DISC1: variants seen among roughly 807,000 people sequenced by gnomAD.
The protein encoded by DISC1 is disrupted in schizophrenia 1 protein.
DISC1 carries 57 observed loss-of-function variants against 84.5 expected under a neutral mutation model. The ratio of observed to expected loss-of-function variants is 0.67; its 90% CI spans 0.55 to 0.84. The LOEUF is 0.84. DISC1 is among the 40% of genes least tolerant of loss of function. DISC1 has a pLI of 0.00. For missense variants in DISC1, 1,000 were observed against 1,057.8 expected, an observed-to-expected ratio of 0.95 and a Z score of 0.76; for synonymous variants, 411 against 415.2, an observed-to-expected ratio of 0.99 and a Z score of 0.12.
chr1:231,724,068 A>G (rs2070270502), intron 3 of DISC1: 3 of 966,994 alleles, frequency 3.1e-6, no homozygotes, highest in Non-Finnish European at 3.7e-6. Context: ...GTTGGTCTTC[A>G]TCCTTTAAAT....
chr1:231,831,938 C>A (rs1230107575), intron 9 of DISC1, among the ~76,000 whole-genome samples: 1 of 151,510 alleles, frequency 6.6e-6, no homozygotes, highest in Non-Finnish European at 1.5e-5. Context: ...GGCGATTAGG[C>A]CTGGTGGAAC....
intron 8 of DISC1, among the ~76,000 whole-genome samples, chr1:231,811,765 G>A (rs2080319849): frequency 6.6e-6 from 1 of 152,170 alleles, no homozygotes; most frequent in Non-Finnish European, 1.5e-5. Flanking sequence ...TGTTGACTAA[G>A]TCACTTATTG....
At chr1:231,871,017 T>C (rs2085419062) in intron 9 of DISC1, among the ~76,000 whole-genome samples, 1 of 152,006 alleles carries the variant, frequency 6.6e-6, no homozygotes, top group Non-Finnish European at 1.5e-5. Flanking sequence ...CTATTGGGGG[T>C]GCACTGTTGG....
rs2063033660 is a variant in DISC1 at position 231,675,313 on chromosome 1, C to T, written c.68-18513C>T. On this transcript the variant is annotated intron_variant, in intron 1 of 12. Transcript: ENST00000439617. This position sits in a 1 kb window ranked among gnomAD's most constrained non-coding sequence, Gnocchi z 4.1. Reference sequence around the variant, plus strand: ...GGATGATTGCTGGGTCCTGGGGTCTCTCTCCCTGCCTCTTCCCCAGCCCTA... The same window carrying T: ...GGATGATTGCTGGGTCCTGGGGTCTTTCTCCCTGCCTCTTCCCCAGCCCTA... 1.3e-5 allele frequency among the ~76,000 whole-genome samples: 2 copies of T among 152,012 alleles called. No individual in the cohort carries two copies.
At chr1:232,016,375 G>T (rs1668492439) in intron 11 of DISC1, among the ~76,000 whole-genome samples, 1 of 152,126 alleles carries the variant, frequency 6.6e-6, no homozygotes, top group Admixed American at 6.5e-5. Flanking sequence ...AAGGGCCTTA[G>T]GGTTGGATGT....
intron 6 of DISC1, among the ~76,000 whole-genome samples, chr1:231,792,853 T>A (rs1261561360): frequency 6.6e-6 from 1 of 152,216 alleles, no homozygotes; most frequent in Non-Finnish European, 1.5e-5. Flanking sequence ...TTCCAAACAT[T>A]GTTTTCCACT....
chr1:231,809,424 C>T (rs1225966476), intron 8 of DISC1, among the ~76,000 whole-genome samples: 2 of 151,308 alleles, frequency 1.3e-5, no homozygotes, highest in African/African-American at 4.9e-5. Context: ...CTCACCTGCC[C>T]CCTTGTTATC....
chr1:231,693,147 G>T (rs2065243745), intron 1 of DISC1, among the ~76,000 whole-genome samples: 2 of 152,170 alleles, frequency 1.3e-5, no homozygotes, highest in Admixed American at 1.3e-4. Flanking sequence ...GTACAATCAG[G>T]GTTTGAACCA....
At chr1:231,712,839 T>G (rs551579024) in intron 3 of DISC1, among the ~76,000 whole-genome samples, 20 of 152,312 alleles carry the variant, frequency 1.3e-4, no homozygotes, top group African/African-American at 4.3e-4. Context: ...GGCAAAAGAT[T>G]ACTGGTTGAG....
intron 10 of DISC1, among the ~76,000 whole-genome samples, chr1:231,984,074 A>G (rs1664054190): frequency 1.3e-5 from 2 of 152,238 alleles, no homozygotes; most frequent in African/African-American, 4.8e-5. Flanking sequence ...GTCTAACTCC[A>G]AATCTGCCCC....
In DISC1 at chr1:232,037,021, G is replaced by GGA; in HGVS notation, c.*199_*200dup. ...CTGAGGAGTCTGCAATTTGGAATAT[G>GGA]GAGAGAGAGACTGATTTGCTGAATT... On this transcript the variant is annotated 3_prime_UTR_variant, in exon 13 of 13. Coordinates refer to ENST00000439617, the MANE Select transcript of DISC1 (RefSeq NM_018662.3). 1 of 501,044 alleles carries GGA rather than the reference G, an allele frequency of 2.0e-6. No individual in the cohort carries two copies. Among genetic ancestry groups the GGA allele is most frequent in the Non-Finnish European group, 3.2e-6 (1 of 312,276 alleles). 31.0% of individuals were successfully genotyped at this position (501,044 alleles called of 1,614,324 possible). A position where few individuals can be genotyped will look rare whatever the true frequency, so the allele number is the denominator to read the frequency against.
chr1:232,030,048 T>TGGCAGC (rs983490243), intron 12 of DISC1, among the ~76,000 whole-genome samples: 39 of 152,190 alleles, frequency 2.6e-4, no homozygotes, highest in Non-Finnish European at 5.3e-4. Context: ...TCAGCTACTG[T>TGGCAGC]GGCAGCGAGT....
In DISC1 at chr1:232,039,881, G is replaced by C. The variant is rs1489842476; in HGVS notation, c.*3050G>C. ...GAGAATGTAAGTGTGATATTATACT[G>C]TCTGCCTTGCTGGAATGCTGGCTTT... On this transcript the variant is annotated 3_prime_UTR_variant, in exon 13 of 13. Coordinates refer to ENST00000439617, the MANE Select transcript of DISC1 (RefSeq NM_018662.3). The C allele has an allele frequency of 6.6e-6, 1 of 152,122 alleles. No homozygotes were observed. The highest frequency in any genetic ancestry group is 1.5e-5 in the Non-Finnish European group (1 of 68,060). 9.4% of individuals were successfully genotyped at this position (152,122 alleles called of 1,614,324 possible).
intron 12 of DISC1, among the ~76,000 whole-genome samples, chr1:232,035,174 G>A (rs1006475656): frequency 6.6e-6 from 1 of 152,218 alleles, no homozygotes; most frequent in East Asian, 1.9e-4. Context: ...AGGAGGCTGG[G>A]CATGGTGGCT....
At chr1:231,865,677 C>A (rs1198366221) in intron 9 of DISC1, among the ~76,000 whole-genome samples, 2 of 152,148 alleles carry the variant, frequency 1.3e-5, no homozygotes, top group African/African-American at 4.8e-5. Context: ...ACTTTAGGTG[C>A]CTCATATAAG....
chr1:232,025,477 AAGG>A (rs1669360049), intron 11 of DISC1, among the ~76,000 whole-genome samples: 1 of 152,132 alleles, frequency 6.6e-6, no homozygotes, highest in South Asian at 2.1e-4. Flanking sequence ...TGAGAGAAGG[AAGG>A]AGCTCTAAGA....
chr1:231,865,695 A>C (rs895108265), intron 9 of DISC1, among the ~76,000 whole-genome samples: 2 of 152,200 alleles, frequency 1.3e-5, no homozygotes, highest in African/African-American at 4.8e-5. Flanking sequence ...AAGTGGAATC[A>C]CATGACATTT....
rs1196421804 is a variant in DISC1 at position 231,750,048 on chromosome 1, G to A, written c.1240G>A (p.Ala414Thr). 1.9e-6 allele frequency: 3 copies of A among 1,614,130 alleles called. No homozygotes were observed. The South Asian group carries it at 3.3e-5, about 18-fold the overall frequency. The change falls in exon 4 of 13, where the codon GCT becomes ACT. Residue 414 changes from alanine to threonine, a missense_variant. Around this residue, in one of 3 missense-constraint regions of DISC1, gnomAD observed 311 missense variants for 400.1 expected, o/e 0.78. Coordinates refer to ENST00000439617, the MANE Select transcript of DISC1 (RefSeq NM_018662.3). ...GGGTCACCTGGCAGCACAAGTCCAGGCTGCCTTGCGCCGTGGGGCCACTCA... is the reference window on the plus strand; with the variant it reads ...GGGTCACCTGGCAGCACAAGTCCAGACTGCCTTGCGCCGTGGGGCCACTCA... ...FLGHLAAQVQ[A>T]ALRRGATQQA...
intron 9 of DISC1, among the ~76,000 whole-genome samples, chr1:231,869,531 G>C (rs9431703): frequency 0.014 from 2,192 of 152,002 alleles, 59 homozygotes; most frequent in African/African-American, 0.05. Context: ...CAAGAAGCAT[G>C]ACACTGGCAT....
Sources: gnomAD v4.1 joint callset for allele counts (sites outside exome capture counted in the v4.1 genomes callset) on GRCh38, gnomAD v4.1.1 for gene constraint, gnomAD v4.1.1 regional missense constraint, Gnocchi (gnomAD v3.1) non-coding constraint, MANE v1.5 for transcripts, NCBI Gene and HGNC (gene_info 2026-07-23, HGNC 2026-07-21) for gene names.